The following SEC23B variants were observed in gnomAD, a reference collection of about 807,000 sequenced individuals.
The protein encoded by SEC23B is SEC23 homolog B, COPII component.
Under a neutral mutation model 104.3 loss-of-function variants are expected in SEC23B, and 77 were observed. The observed-to-expected ratio is 0.74, with a 90% CI of 0.61 to 0.89. SEC23B has a LOEUF of 0.89. Ranked by LOEUF, SEC23B falls within the 40% of genes least tolerant of loss-of-function variation. The pLI, the probability that SEC23B is intolerant of heterozygous loss-of-function variation, is 0.00. For synonymous variants in SEC23B, 338 were observed against 332.5 expected, an observed-to-expected ratio of 1.02 and a Z score of -0.18; for missense variants, 885 against 949.4, an observed-to-expected ratio of 0.93 and a Z score of 0.89.
rs1409806848 is a variant in SEC23B at position 18,524,530 on chromosome 20, TGAGTCTTCTTCCTCCA to T, written c.467_482del (p.Ser156MetfsTer6). The T allele has an allele frequency of 6.2e-7, 1 of 1,613,562 alleles. No homozygotes were observed. Among genetic ancestry groups the T allele is most frequent in the Admixed American group, 1.7e-5 (1 of 60,022 alleles). Reference sequence around the variant, plus strand: ...CTCAAAGAGTCCCTGCAGATGTCCCTGAGTCTTCTTCCTCCAGATGCTCTGGTGGGTCTGATCACAT... The same window carrying T: ...CTCAAAGAGTCCCTGCAGATGTCCCTGATGCTCTGGTGGGTCTGATCACAT... On this transcript the variant is annotated frameshift_variant, in exon 5 of 20. Coordinates refer to ENST00000650089, the MANE Select transcript of SEC23B (RefSeq NM_006363.6). LOFTEE classifies it high-confidence loss of function.
intron 4 of SEC23B, among the ~76,000 whole-genome samples, chr20:18,522,984 G>A (rs933344488): frequency 1.3e-4 from 20 of 151,776 alleles, no homozygotes; most frequent in Admixed American, 4.6e-4. Flanking sequence ...GGAGAATAGC[G>A]TGAACCCAGG....
intron 4 of SEC23B, among the ~76,000 whole-genome samples, chr20:18,523,397 CTTTT>C (rs112136906): frequency 3.8e-5 from 5 of 130,554 alleles, no homozygotes. Flanking sequence ...TCTTTCCTTT[CTTTT>C]TTTTTTTTTT....
At chr20:18,522,628 G>A (rs1367830513) in intron 4 of SEC23B, among the ~76,000 whole-genome samples, 4 of 152,154 alleles carry the variant, frequency 2.6e-5, no homozygotes, top group African/African-American at 9.7e-5. Context: ...CCTCTGACCC[G>A]GGTCTTCGGC....
At chr20:18,535,514 GT>G (rs1360660355) in intron 11 of SEC23B, 138 bp from the exon 12 acceptor site, 32 of 672,536 alleles carry the variant, frequency 4.8e-5, no homozygotes, top group Non-Finnish European at 8.0e-5. Context: ...TCAGGAGAAG[GT>G]TTTATTTCAA....
chr20:18,527,636 CAG>C (rs2060146074), intron 9 of SEC23B, 25 bp downstream of exon 9: 1 of 1,343,086 alleles, frequency 7.4e-7, no homozygotes, highest in African/African-American at 1.4e-5. Flanking sequence ...AAAACCTGGG[CAG>C]AGTGACAGTG....
intron 15 of SEC23B, 48 bp from the exon 16 acceptor site, chr20:18,548,558 TAAG>T (rs772925756): frequency 1.9e-6 from 3 of 1,579,868 alleles, no homozygotes; most frequent in Non-Finnish European, 2.6e-6. Flanking sequence ...TGTGGGTGTC[TAAG>T]AAGGTTACAA....
rs1480103183 is a variant in SEC23B, at chr20:18,524,536, T to G, written c.470T>G (p.Leu157Arg). The part of the protein sequence containing the change: ...LKESLQMSLS[L>R]LPPDALVGLI... ...GAGTCCCTGCAGATGTCCCTGAGTCTTCTTCCTCCAGATGCTCTGGTGGGT... is the reference window on the plus strand; with the variant it reads ...GAGTCCCTGCAGATGTCCCTGAGTCGTCTTCCTCCAGATGCTCTGGTGGGT... Residue 157 changes from leucine (L) to arginine (R), a missense_variant, in exon 5 of 20, where the codon CTT becomes CGT. Leu to Arg is a moderately radical substitution (Grantham distance 102, BLOSUM62 -2). Transcript: ENST00000650089. 1.9e-6 allele frequency: 3 copies of G among 1,614,218 alleles called. No individual in the cohort carries two copies. Among genetic ancestry groups the G allele is most frequent in the African/African-American group, 1.3e-5 (1 of 75,058 alleles).
intron 17 of SEC23B, among the ~76,000 whole-genome samples, chr20:18,552,857 T>C (rs1478258194): frequency 6.6e-6 from 1 of 152,158 alleles, no homozygotes; most frequent in African/African-American, 2.4e-5. Flanking sequence ...ATTTATATAG[T>C]TTCTACATTG....
chr20:18,546,549 T>C (rs187728565), intron 15 of SEC23B, among the ~76,000 whole-genome samples: 1 of 152,292 alleles, frequency 6.6e-6, no homozygotes. Context: ...GCAGGAGAAG[T>C]AGATGAATTT....
chr20:18,551,286 G>A, intron 17 of SEC23B, 111 bp downstream of exon 17: 1 of 666,040 alleles, frequency 1.5e-6, no homozygotes, highest in Non-Finnish European at 2.6e-6. Flanking sequence ...TATGGTTTTT[G>A]TTTTCTTCTC....
intron 4 of SEC23B, among the ~76,000 whole-genome samples, chr20:18,522,033 A>G (rs1184864764): frequency 2.0e-5 from 3 of 152,166 alleles, no homozygotes; most frequent in African/African-American, 7.2e-5. Context: ...TTTAGGTCAG[A>G]TGAGAGTTGA....
intron 4 of SEC23B, among the ~76,000 whole-genome samples, chr20:18,522,418 G>A (rs1039804651): frequency 6.6e-6 from 1 of 152,248 alleles, no homozygotes; most frequent in African/African-American, 2.4e-5. Flanking sequence ...CTCTACTAGA[G>A]AGGAAAAAGA....
At position 18,543,143 on chromosome 20, in the gene SEC23B, C is replaced by T. The variant is rs147135162; in HGVS notation, c.1636C>T (p.Arg546Trp). 163 of 1,614,014 alleles carry T rather than the reference C, an allele frequency of 1.0e-4. No individual in the cohort carries two copies. The highest frequency in any genetic ancestry group is 1.5e-4 in the Admixed American group (9 of 59,992). Residue 546 changes from arginine (R) to tryptophan (W), a missense_variant, in exon 14 of 20, where the codon CGG becomes TGG. By Grantham distance (101) the Arg-to-Trp change is moderately radical. Coordinates refer to ENST00000650089, the MANE Select transcript of SEC23B (RefSeq NM_006363.6). ...GTCAGAGGAGGGGCCCGATGTGCTC[C>T]GGTGGCTGGACCGACAACTCATCCG... is the stretch of plus-strand genomic sequence containing the variant. ...AESEEGPDVL[R>W]WLDRQLIRLC...
chr20:18,560,756 A>T lies in SEC23B; in HGVS notation c.*16A>T. 1 of 1,586,816 alleles carries T rather than the reference A, an allele frequency of 6.3e-7. No homozygotes were observed. Among genetic ancestry groups the T allele is most frequent in the Non-Finnish European group, 8.7e-7 (1 of 1,155,182 alleles). Reference sequence around the variant, plus strand: ...TGCCTGTTAAGCTGAGGATACAACCAGGAAATGCAACGGTGTCAGATTGTG... The same window carrying T: ...TGCCTGTTAAGCTGAGGATACAACCTGGAAATGCAACGGTGTCAGATTGTG... On this transcript the variant is annotated 3_prime_UTR_variant, in exon 20 of 20. Coordinates refer to ENST00000650089, the MANE Select transcript of SEC23B (RefSeq NM_006363.6).
At chr20:18,523,117 C>G (rs1033322256) in intron 4 of SEC23B, among the ~76,000 whole-genome samples, 9 of 151,862 alleles carry the variant, frequency 5.9e-5, no homozygotes, top group African/African-American at 2.2e-4. Context: ...GAAAACCCCA[C>G]TGGAGAAAGT....
intron 19 of SEC23B, among the ~76,000 whole-genome samples, chr20:18,560,122 ATT>A (rs386393450): frequency 1.1e-4 from 17 of 151,792 alleles, no homozygotes; most frequent in African/African-American, 3.6e-4. Context: ...ATATATATAT[ATT>A]TTTAATTTCT....
chr20:18,527,332 C>T (rs1033579774), intron 8 of SEC23B, among the ~76,000 whole-genome samples, 164 bp from the exon 9 acceptor site: 27 of 152,240 alleles, frequency 1.8e-4, no homozygotes, highest in African/African-American at 6.5e-4. Flanking sequence ...AGGTGGAGAT[C>T]GCACCACTGC....
intron 17 of SEC23B, among the ~76,000 whole-genome samples, chr20:18,553,262 A>G (rs1046804073): frequency 1.3e-5 from 2 of 152,226 alleles, no homozygotes; most frequent in Admixed American, 6.5e-5. Flanking sequence ...GGCATTTCCC[A>G]TAGGCCAACA....
intron 16 of SEC23B, among the ~76,000 whole-genome samples, chr20:18,550,308 C>G (rs2060376261): frequency 6.6e-6 from 1 of 151,968 alleles, no homozygotes; most frequent in Non-Finnish European, 1.5e-5. Flanking sequence ...GCACGTGCCA[C>G]TACAGCCCGG....
Sources: allele counts gnomAD v4.1 joint callset (sites outside exome capture counted in the v4.1 genomes callset), GRCh38; gene constraint gnomAD v4.1.1; transcripts MANE v1.5; gene names NCBI Gene and HGNC (gene_info 2026-07-23, HGNC 2026-07-21).